The following SHOX2 variants were observed in gnomAD, a reference collection of about 807,000 sequenced individuals.
The protein encoded by SHOX2 is short stature homeobox protein 2.
In SHOX2, 13 loss-of-function variants were observed where a neutral mutation model predicts 31.3. The ratio of observed to expected loss-of-function variants is 0.42; its 90% CI spans 0.27 to 0.66. The LOEUF (loss-of-function observed/expected upper bound fraction) is 0.66. SHOX2 is among the 30% of genes least tolerant of loss of function. The pLI is 0.27. For synonymous variants in SHOX2, 244 were observed against 196.2 expected (o/e 1.24, Z -2.04); for missense variants, 473 against 443.0 (o/e 1.07, Z -0.61).
intron 2 of SHOX2, among the ~76,000 whole-genome samples, chr3:158,102,137 G>GACCGCTA (rs1713530771): frequency 6.6e-6 from 1 of 152,120 alleles, no homozygotes; most frequent in African/African-American, 2.4e-5. Context: ...GTTTGAGATC[G>GACCGCTA]ACCGCTAACA....
Position 158,096,889 on chromosome 3 carries a change from A to AATATATATATATATATAT in SHOX2, c.*1120_*1137dup, listed in dbSNP as rs769658802. On this transcript the variant is annotated 3_prime_UTR_variant, in exon 5 of 5. Coordinates refer to ENST00000483851, the MANE Select transcript of SHOX2 (RefSeq NM_001163678.2). Reference sequence around the variant, plus strand: ...GTTCCCCAGGATCAAAGACAGGGCAAATATATATATATATATATATATATA... The same window carrying AATATATATATATATATAT: ...GTTCCCCAGGATCAAAGACAGGGCAAATATATATATATATATATATATATATATATATATATATATATA... 5 of 23,096 alleles carry AATATATATATATATATAT rather than the reference A, an allele frequency of 2.2e-4. No homozygotes were observed. The highest frequency in any genetic ancestry group is 2.5e-3 in the South Asian group (2 of 790). 1.4% of individuals were successfully genotyped at this position (23,096 alleles called of 1,614,324 possible). A position where few individuals can be genotyped will look rare whatever the true frequency, so the allele number is the denominator to read the frequency against.
At position 158,097,718 on chromosome 3, in the gene SHOX2, G is replaced by A; in HGVS notation, c.*309C>T. ...GCTTTGCGGTGAGCCAAACTCCGCG[G>A]TTCCAGCACTCCCCTGTCCAGTCTC... On this transcript the variant is annotated 3_prime_UTR_variant, in exon 5 of 5. Coordinates refer to ENST00000483851, the MANE Select transcript of SHOX2 (RefSeq NM_001163678.2). 2.9e-6 allele frequency: 1 copy of A among 341,908 alleles called. No individual in the cohort carries two copies. The highest frequency in any genetic ancestry group is 5.3e-6 in the Non-Finnish European group (1 of 188,600). 21.2% of individuals were successfully genotyped at this position (341,908 alleles called of 1,614,324 possible).
At chr3:158,100,446 G>C in intron 2 of SHOX2, 135 bp from the exon 3 acceptor site, 1 of 563,416 alleles carries the variant, frequency 1.8e-6, no homozygotes, top group Non-Finnish European at 3.1e-6. Flanking sequence ...TCTTTGAATT[G>C]TATAAAACAG....
intron 1 of SHOX2, among the ~76,000 whole-genome samples, chr3:158,104,720 T>A (rs969126590): frequency 1.3e-5 from 2 of 152,208 alleles, no homozygotes. Context: ...AAATTTCCAA[T>A]TACTGATCTA....
At chr3:158,102,528 G>C in intron 2 of SHOX2, 150 bp downstream of exon 2, 4 of 642,342 alleles carry the variant, frequency 6.2e-6, no homozygotes, top group Non-Finnish European at 1.1e-5. Context: ...ATCTACTTTG[G>C]AAAATAAGAC....
chr3:158,103,462 G>A lies in SHOX2; in HGVS notation c.347-576C>T, dbSNP rs144076870. 1,308 of 164,384 alleles carry A rather than the reference G, an allele frequency of 8.0e-3. 12 individuals carry two copies. The highest frequency in any genetic ancestry group is 0.013 in the Non-Finnish European group (991 of 74,746). The allele number at this position is 164,384 out of a possible 1,614,324, so 10.2% of individuals were successfully genotyped here. A position where few individuals can be genotyped will look rare whatever the true frequency, so the allele number is the denominator to read the frequency against. Reference sequence around the variant, plus strand: ...ATTGGGCCGAAAGGTATCAGCGAGAGCAACAGACCCCGGTGTTGTGCCGCA... The same window carrying A: ...ATTGGGCCGAAAGGTATCAGCGAGAACAACAGACCCCGGTGTTGTGCCGCA... On this transcript the variant is annotated intron_variant, in intron 1 of 4. Transcript: ENST00000483851.
intron 4 of SHOX2, among the ~76,000 whole-genome samples, chr3:158,099,196 T>C (rs1713326737): frequency 6.6e-6 from 1 of 152,208 alleles, no homozygotes; most frequent in South Asian, 2.1e-4. Context: ...GATTTCGCCC[T>C]CAGGCTTGGA....
Position 158,106,090 on chromosome 3 carries a change from CTTTT to C in SHOX2, c.-70_-67del, listed in dbSNP as rs976941873. Reference sequence around the variant, plus strand: ...GAGCCCCGCTCTTTTTTTCCTTCTTCTTTTTTTACTGCTCCAGCCCCCCCAATAA... The same window carrying C: ...GAGCCCCGCTCTTTTTTTCCTTCTTCTTTACTGCTCCAGCCCCCCCAATAA... On this transcript the variant is annotated 5_prime_UTR_variant, in exon 1 of 5. The change creates a premature stop within an existing upstream ORF in the 5' untranslated region. Transcript: ENST00000483851. The C allele has an allele frequency of 1.1e-5, 17 of 1,596,864 alleles. No individual in the cohort carries two copies. The highest frequency in any genetic ancestry group is 1.4e-5 in the African/African-American group (1 of 73,460).
At position 158,102,989 on chromosome 3, in the gene SHOX2, A is replaced by T. The variant is rs1411584421; in HGVS notation, c.347-103T>A. The T allele has an allele frequency of 8.1e-6, 9 of 1,111,048 alleles. No homozygotes were observed. The East Asian group carries it at 1.9e-4, about 23-fold the overall frequency. 68.8% of individuals were successfully genotyped at this position (1,111,048 alleles called of 1,614,324 possible). On this transcript the variant is annotated intron_variant, in intron 1 of 4. Transcript: ENST00000483851. ...ACAGCACAGCAAATCCTGTTACCAGATTTGTCGCAAAAAAGAATAGAGAAT... is the reference window on the plus strand; with the variant it reads ...ACAGCACAGCAAATCCTGTTACCAGTTTTGTCGCAAAAAAGAATAGAGAAT...
chr3:158,105,403 T>C (rs1008866288), intron 1 of SHOX2: 1 of 592,148 alleles, frequency 1.7e-6, no homozygotes, highest in Non-Finnish European at 3.0e-6. Context: ...TGGTGAAAAA[T>C]GCATTTCGGT....
Position 158,096,088 on chromosome 3 carries a change from A to C in SHOX2, c.*1939T>G, listed in dbSNP as rs933326699. The stretch of plus-strand genomic sequence containing the variant: ...AACTTGGCACTTATTTAAAAGGTTT[A>C]ACAGAATTGGAGGCGACACATTTTG... On this transcript the variant is annotated 3_prime_UTR_variant, in exon 5 of 5. Coordinates refer to ENST00000483851, the MANE Select transcript of SHOX2 (RefSeq NM_001163678.2). 5 of 152,690 alleles carry C rather than the reference A, an allele frequency of 3.3e-5. No homozygotes were observed. Among genetic ancestry groups the C allele is most frequent in the African/African-American group, 1.2e-4 (5 of 41,474 alleles). The allele number at this position is 152,690 out of a possible 1,614,324, so 9.5% of individuals were successfully genotyped here.
chr3:158,105,161 A>T (rs949292015), intron 1 of SHOX2: 1 of 1,357,908 alleles, frequency 7.4e-7, no homozygotes, highest in Admixed American at 2.0e-5. Flanking sequence ...TTGGCCCCTA[A>T]GATCCAAAGA....
At chr3:158,098,876 T>A (rs530875309) in intron 4 of SHOX2, among the ~76,000 whole-genome samples, 1 of 152,314 alleles carries the variant, frequency 6.6e-6, no homozygotes, top group South Asian at 2.1e-4. Context: ...TTTCTAACAA[T>A]CTCCCAGACG....
At chr3:158,099,317 A>G (rs1362105292) in intron 4 of SHOX2, among the ~76,000 whole-genome samples, 1 of 152,244 alleles carries the variant, frequency 6.6e-6, no homozygotes, top group East Asian at 1.9e-4. Context: ...TTGCAAAGGC[A>G]GGGCAGCCCT....
chr3:158,106,243 A>C lies in SHOX2; in HGVS notation c.-219T>G. The C allele has an allele frequency of 3.1e-6, 2 of 652,024 alleles. No homozygotes were observed. Among genetic ancestry groups the C allele is most frequent in the African/African-American group, 2.0e-5 (1 of 51,046 alleles). 40.4% of individuals were successfully genotyped at this position (652,024 alleles called of 1,614,324 possible). On this transcript the variant is annotated 5_prime_UTR_variant, in exon 1 of 5. Transcript: ENST00000483851. ...GAGAAAAAGAAGTAAGAAGAGGAGGAGGAGGAAGAAGAGGAAGAGGGGGAG... is the reference window on the plus strand; with the variant it reads ...GAGAAAAAGAAGTAAGAAGAGGAGGCGGAGGAAGAAGAGGAAGAGGGGGAG...
chr3:158,105,691 G>A lies in SHOX2; in HGVS notation c.334C>T (p.Arg112Ter). Residue 112 changes from arginine (R) to a stop codon, truncating the protein, a stop_gained, in exon 1 of 5, where the codon CGA becomes TGA. Transcript: ENST00000483851. LOFTEE classifies it high-confidence loss of function. ...GTCAGGTCGTTACCCTCCGTCAGTC[G>A]CGGGCTGCCCGGCTCCCTGCTTCTC... ...AERSREPGSP[R>*]LTEVSPELKD... 6.6e-7 allele frequency: 1 copy of A among 1,522,198 alleles called. No individual in the cohort carries two copies. 94.3% of individuals were successfully genotyped at this position (1,522,198 alleles called of 1,614,324 possible).
chr3:158,105,662 G>A lies in SHOX2; in HGVS notation c.346+17C>T. The A allele has an allele frequency of 6.6e-7, 1 of 1,518,304 alleles. No individual in the cohort carries two copies. The highest frequency in any genetic ancestry group is 8.8e-7 in the Non-Finnish European group (1 of 1,135,390). 94.1% of individuals were successfully genotyped at this position (1,518,304 alleles called of 1,614,324 possible). A position where few individuals can be genotyped will look rare whatever the true frequency, so the allele number is the denominator to read the frequency against. On this transcript the variant is annotated intron_variant, in intron 1 of 4. Coordinates refer to ENST00000483851, the MANE Select transcript of SHOX2 (RefSeq NM_001163678.2). ...GCGGGAAGGGGAACCGCTGCCGGGGGTCAGTCAGGTCGTTACCCTCCGTCA... is the reference window on the plus strand; with the variant it reads ...GCGGGAAGGGGAACCGCTGCCGGGGATCAGTCAGGTCGTTACCCTCCGTCA...
chr3:158,098,319 T>C (rs760222824), intron 4 of SHOX2, 35 bp from the exon 5 acceptor site: 26 of 1,606,030 alleles, frequency 1.6e-5, no homozygotes, highest in Non-Finnish European at 2.2e-5. Flanking sequence ...GCAATGACTA[T>C]CCTAGGGTGA....
chr3:158,101,859 T>C (rs1366060782), intron 2 of SHOX2, among the ~76,000 whole-genome samples: 1 of 152,202 alleles, frequency 6.6e-6, no homozygotes, highest in Non-Finnish European at 1.5e-5. Context: ...GATATGTGTA[T>C]GTGAATGTAC....
Sources: gnomAD v4.1 joint callset for allele counts (sites outside exome capture counted in the v4.1 genomes callset) on GRCh38, gnomAD v4.1.1 for gene constraint, MANE v1.5 for transcripts, NCBI Gene and HGNC (gene_info 2026-07-23, HGNC 2026-07-21) for gene names.